Variants in CRACDL observed in about 807,000 individuals in gnomAD.
The protein encoded by CRACDL is CRACD like, also known as CRACD-like protein.
A neutral mutation model predicts 70.6 loss-of-function variants in CRACDL; 26 were observed. The observed-to-expected ratio is 0.37, with a 90% CI of 0.27 to 0.51. CRACDL has a LOEUF of 0.51. Ranked by LOEUF, CRACDL falls within the 20% of genes least tolerant of loss-of-function variation. The pLI, the probability that CRACDL is intolerant of heterozygous loss-of-function variation, is 0.94. For synonymous variants in CRACDL, 618 were observed against 615.2 expected, an observed-to-expected ratio of 1.00 and a Z score of -0.07; for missense variants, 1,283 against 1,376.9, an observed-to-expected ratio of 0.93 and a Z score of 1.08.
intron 1 of CRACDL, among the ~76,000 whole-genome samples, chr2:98,874,329 G>A (rs747227584): frequency 6.6e-6 from 1 of 152,160 alleles, no homozygotes; most frequent in Non-Finnish European, 1.5e-5. Flanking sequence ...ACAGGAAACC[G>A]CAGCTGCAGC....
Position 98,822,367 on chromosome 2 carries a change from C to A in CRACDL, c.1906G>T (p.Gly636Cys). 6.8e-7 allele frequency: 1 copy of A among 1,470,460 alleles called. No homozygotes were observed. Among genetic ancestry groups the A allele is most frequent in the Non-Finnish European group, 8.9e-7 (1 of 1,120,246 alleles). The allele number at this position is 1,470,460 out of a possible 1,614,324, so 91.1% of individuals were successfully genotyped here. A position where few individuals can be genotyped will look rare whatever the true frequency, so the allele number is the denominator to read the frequency against. Residue 636 changes from glycine to cysteine, a missense_variant, in exon 7 of 10, where the codon GGC (glycine) becomes TGC (cysteine). By Grantham distance (159) the Gly-to-Cys change is radical. Transcript: ENST00000397899. The surrounding 1 kb of genome is among the most constrained non-coding windows in gnomAD (Gnocchi z 4.9). ...GCCCTGTCCCCCGAGTCCTGAGGGC[C>A]GCGCTCCGCCAGCTTCCGAGGGCCA... ...KPGPRKLAER[G>C]PQDSGDRAAS...
chr2:98,809,338 C>T (rs1490184159), intron 7 of CRACDL, among the ~76,000 whole-genome samples: 4 of 151,916 alleles, frequency 2.6e-5, no homozygotes, highest in African/African-American at 9.7e-5. Context: ...TGGTTGTGAC[C>T]GCTTCTCATT....
At chr2:98,850,810 G>A (rs555894625) in intron 1 of CRACDL, among the ~76,000 whole-genome samples, 3 of 152,184 alleles carry the variant, frequency 2.0e-5, no homozygotes, top group East Asian at 3.9e-4. Flanking sequence ...TGTGGGGGCC[G>A]CCCCACTCCC....
chr2:98,899,469 G>T (rs1421641246), intron 1 of CRACDL, among the ~76,000 whole-genome samples: 1 of 152,228 alleles, frequency 6.6e-6, no homozygotes, highest in Non-Finnish European at 1.5e-5. Context: ...CAGCCCAGAC[G>T]CTGTGATCCC....
intron 1 of CRACDL, among the ~76,000 whole-genome samples, chr2:98,932,486 T>C (rs1171675801): frequency 6.6e-6 from 1 of 152,166 alleles, no homozygotes. Context: ...TTCCGGCTTG[T>C]AGTGAGTGCC....
chr2:98,910,996 C>A (rs577492803), intron 1 of CRACDL, among the ~76,000 whole-genome samples: 57 of 152,186 alleles, frequency 3.7e-4, no homozygotes, highest in Non-Finnish European at 7.3e-4. Flanking sequence ...ATCTAAGACA[C>A]CTTTATTTTT....
chr2:98,856,288 G>A (rs1393874135), intron 1 of CRACDL, among the ~76,000 whole-genome samples: 1 of 152,064 alleles, frequency 6.6e-6, no homozygotes, highest in African/African-American at 2.4e-5. Flanking sequence ...AAACATTGGA[G>A]ACCAGAAAGC....
rs147933700 is a variant in CRACDL, at chr2:98,812,264, C to T, written c.2416+9593G>A. Among the ~76,000 whole-genome samples the T allele has an allele frequency of 2.7e-4, 41 of 152,270 alleles. 1 individual carries two copies. The East Asian group carries it at 6.4e-3, about 24-fold the overall frequency. ...TGCTGGGATTACAGGCGTGAGCCAC[C>T]GCACCTGGCTGGTTTTTGGTGATTT... On this transcript the variant is annotated intron_variant, in intron 7 of 9. Transcript: ENST00000397899.
Position 98,800,992 on chromosome 2 carries a change from G to A in CRACDL, c.2417-3455C>T, listed in dbSNP as rs542798976. On this transcript the variant is annotated intron_variant, in intron 7 of 9. Coordinates refer to ENST00000397899, the MANE Select transcript of CRACDL (RefSeq NM_207362.3). ...ACATGCAGACCCACGGGAGTGGGTG[G>A]GTGCCCTGGCTGGGCCAGGCCATGC... 2.0e-5 allele frequency among the ~76,000 whole-genome samples: 3 copies of A among 152,286 alleles called. No homozygotes were observed. The South Asian group carries it at 6.2e-4, about 32-fold the overall frequency.
chr2:98,914,924 C>A (rs747142851), intron 1 of CRACDL, among the ~76,000 whole-genome samples: 2 of 152,204 alleles, frequency 1.3e-5, no homozygotes, highest in Non-Finnish European at 1.5e-5. Flanking sequence ...GAGCAGGGCC[C>A]AGCCCCAGGA....
chr2:98,860,530 C>A (rs1706896744), intron 1 of CRACDL, among the ~76,000 whole-genome samples: 1 of 152,144 alleles, frequency 6.6e-6, no homozygotes, highest in Non-Finnish European at 1.5e-5. Flanking sequence ...GGAGGGATAT[C>A]ATCTTTTCAA....
chr2:98,851,318 C>A (rs1025768826), intron 1 of CRACDL, among the ~76,000 whole-genome samples: 1 of 152,152 alleles, frequency 6.6e-6, no homozygotes, highest in East Asian at 1.9e-4. Context: ...ACAGATCACA[C>A]CAAACAAGAG....
At chr2:98,904,253 T>C (rs1708352523) in intron 1 of CRACDL, among the ~76,000 whole-genome samples, 1 of 152,198 alleles carries the variant, frequency 6.6e-6, no homozygotes, top group Admixed American at 6.5e-5. Context: ...CTCATTGTCC[T>C]TTCCTCAGGA....
intron 1 of CRACDL, among the ~76,000 whole-genome samples, chr2:98,874,993 C>A (rs1039513449): frequency 6.6e-6 from 1 of 152,206 alleles, no homozygotes; most frequent in Non-Finnish European, 1.5e-5. Flanking sequence ...AGGCCTGCTA[C>A]ACAATTTGTT....
intron 5 of CRACDL, among the ~76,000 whole-genome samples, chr2:98,830,475 A>G (rs1705494726): frequency 6.6e-6 from 1 of 152,168 alleles, no homozygotes; most frequent in Non-Finnish European, 1.5e-5. Flanking sequence ...AGCCCATTTT[A>G]AAGGGTGTGT....
intron 1 of CRACDL, among the ~76,000 whole-genome samples, chr2:98,885,691 T>C (rs1226400820): frequency 6.6e-6 from 1 of 152,210 alleles, no homozygotes; most frequent in Non-Finnish European, 1.5e-5. Context: ...CAACCATTTT[T>C]CAAGCAATGG....
intron 7 of CRACDL, among the ~76,000 whole-genome samples, chr2:98,800,934 C>CTG (rs1014040952): frequency 6.6e-6 from 1 of 152,158 alleles, no homozygotes; most frequent in Admixed American, 6.5e-5. Context: ...TCCAGCTGTA[C>CTG]TGTGTGTGTG....
rs1415230353 is a variant in CRACDL, at chr2:98,822,413, G to A, written c.1860C>T (p.Pro620=). ...EAALDDLQGL[P]EPQHAKPGPR... ...GGCCAGGTTTCGCGTGCTGGGGCTCGGGGAGACCCTGGAGGTCGTCAAGAG... is the reference window on the plus strand; with the variant it reads ...GGCCAGGTTTCGCGTGCTGGGGCTCAGGGAGACCCTGGAGGTCGTCAAGAG... Residue 620 remains proline (P), a synonymous_variant, in exon 7 of 10, where the codon CCC becomes CCT. Transcript: ENST00000397899. The surrounding 1 kb of genome is among the most constrained non-coding windows in gnomAD (Gnocchi z 4.9). The A allele has an allele frequency of 1.3e-5, 19 of 1,483,966 alleles. No homozygotes were observed. The highest frequency in any genetic ancestry group is 1.6e-5 in the Non-Finnish European group (18 of 1,125,888). The allele number at this position is 1,483,966 out of a possible 1,614,324, so 91.9% of individuals were successfully genotyped here.
At chr2:98,881,961 T>C (rs1156834587) in intron 1 of CRACDL, among the ~76,000 whole-genome samples, 3 of 152,222 alleles carry the variant, frequency 2.0e-5, no homozygotes, top group Non-Finnish European at 4.4e-5. Flanking sequence ...AGGGGCATGA[T>C]GCTTTCTAAT....
Sources: gnomAD v4.1 joint callset for allele counts (sites outside exome capture counted in the v4.1 genomes callset) on GRCh38, gnomAD v4.1.1 for gene constraint, Gnocchi (gnomAD v3.1) non-coding constraint, MANE v1.5 for transcripts, NCBI Gene and HGNC (gene_info 2026-07-23, HGNC 2026-07-21) for gene names.